Variants in ZNF638 observed in about 807,000 individuals in gnomAD.
ZNF638 encodes the protein zinc finger protein 638.
A neutral mutation model predicts 195.6 loss-of-function variants in ZNF638; 46 were observed. The ratio of observed to expected loss-of-function variants is 0.24; its 90% CI spans 0.19 to 0.30. The LOEUF is 0.30. Ranked by LOEUF, ZNF638 falls within the 10% of genes least tolerant of loss-of-function variation. The pLI is 1.00. For synonymous variants in ZNF638, 845 were observed against 772.0 expected (o/e 1.09, Z -1.57); for missense variants, 2,440 against 2,325.3 (o/e 1.05, Z -1.01).
In ZNF638 at chr2:71,349,539, TAAAG is replaced by T. The variant is rs1573029644; in HGVS notation, c.589_592del (p.Glu197HisfsTer11). 2 of 1,614,044 alleles carry T rather than the reference TAAAG, an allele frequency of 1.2e-6. No individual in the cohort carries two copies. The highest frequency in any genetic ancestry group is 1.7e-5 in the Admixed American group (1 of 60,012). On this transcript the variant is annotated frameshift_variant, in exon 2 of 28. Transcript: ENST00000264447. LOFTEE classifies it high-confidence loss of function. ...CTAATTTACCTTCTCAGAGCAGAAA[TAAAG>T]AAACACTTGGTAGTGAAGCAGTTTC... is the stretch of plus-strand genomic sequence containing the variant.
At chr2:71,393,609 C>T (rs1486879106) in intron 10 of ZNF638, 2 of 718,118 alleles carry the variant, frequency 2.8e-6, no homozygotes, top group Non-Finnish European at 5.2e-6. Context: ...AGAAACCATT[C>T]ACTCCAGATA....
chr2:71,371,577 T>C (rs1375330211), intron 8 of ZNF638, among the ~76,000 whole-genome samples: 2 of 152,202 alleles, frequency 1.3e-5, no homozygotes, highest in Non-Finnish European at 2.9e-5. Context: ...GTAGTTTTGA[T>C]TTGCATTTCT....
At chr2:71,408,363 G>T in intron 20 of ZNF638, 116 bp downstream of exon 20, 1 of 1,237,898 alleles carries the variant, frequency 8.1e-7, no homozygotes, top group African/African-American at 1.5e-5. Context: ...TATAATTTGT[G>T]TTGCAATCAG....
intron 2 of ZNF638, among the ~76,000 whole-genome samples, chr2:71,355,020 G>A (rs1388120162): frequency 6.6e-6 from 1 of 152,038 alleles, no homozygotes; most frequent in South Asian, 2.1e-4. Context: ...CCAGGCTGGA[G>A]TGCAGTGGCG....
intron 10 of ZNF638, among the ~76,000 whole-genome samples, chr2:71,384,957 G>A (rs2079607642): frequency 1.3e-5 from 2 of 152,296 alleles, no homozygotes; most frequent in South Asian, 4.1e-4. Context: ...CCACATGTGA[G>A]TTCCACCAAA....
At chr2:71,390,460 C>T (rs935638352) in intron 10 of ZNF638, among the ~76,000 whole-genome samples, 2 of 152,204 alleles carry the variant, frequency 1.3e-5, no homozygotes, top group Non-Finnish European at 2.9e-5. Flanking sequence ...AATTAATGTG[C>T]TCACCAGGGT....
intron 20 of ZNF638, chr2:71,408,485 G>T: frequency 2.4e-6 from 1 of 424,200 alleles, no homozygotes; most frequent in Non-Finnish European, 4.2e-6. Context: ...TTGACATGTA[G>T]GTATCTACAT....
At chr2:71,377,362 A>G (rs1244652302) in intron 8 of ZNF638, among the ~76,000 whole-genome samples, 3 of 152,196 alleles carry the variant, frequency 2.0e-5, no homozygotes, top group Non-Finnish European at 4.4e-5. Flanking sequence ...ACAATTTTTA[A>G]AACTTCAATT....
intron 1 of ZNF638, among the ~76,000 whole-genome samples, chr2:71,335,212 A>T (rs1013809870): frequency 2.0e-5 from 3 of 151,970 alleles, no homozygotes; most frequent in South Asian, 2.1e-4. Context: ...AATCTTTTTT[A>T]AAAAAATTCA....
At position 71,431,422 on chromosome 2, in the gene ZNF638, C is replaced by T; in HGVS notation, c.5746C>T (p.Pro1916Ser). 1 of 1,612,356 alleles carries T rather than the reference C, an allele frequency of 6.2e-7. No individual in the cohort carries two copies. Among genetic ancestry groups the T allele is most frequent in the Non-Finnish European group, 8.5e-7 (1 of 1,179,220 alleles). Residue 1916 changes from proline to serine, a missense_variant, in exon 26 of 28, where the codon CCT becomes TCT. Coordinates refer to ENST00000264447, the MANE Select transcript of ZNF638 (RefSeq NM_014497.5). ...AGGCAAATCAGTGGCGTCTGATGTCCCTGAGGGTAAAGTTAAAATGACATT... is the reference window on the plus strand; with the variant it reads ...AGGCAAATCAGTGGCGTCTGATGTCTCTGAGGGTAAAGTTAAAATGACATT... ...SSGKSVASDV[P>S]EELDFLVPKA...
intron 1 of ZNF638, chr2:71,334,713 ATC>A: frequency 6.6e-6 from 1 of 152,104 alleles, no homozygotes; most frequent in Non-Finnish European, 1.5e-5. Context: ...AGGTCAGGAG[ATC>A]TAGACCATCC....
chr2:71,362,198 A>AT (rs1336763040), intron 3 of ZNF638, among the ~76,000 whole-genome samples: 1 of 151,406 alleles, frequency 6.6e-6, no homozygotes, highest in East Asian at 1.9e-4. Context: ...ATCTTTTATT[A>AT]TTTTTTTTCT....
At chr2:71,356,174 C>T (rs2079019608) in intron 3 of ZNF638, among the ~76,000 whole-genome samples, 1 of 152,188 alleles carries the variant, frequency 6.6e-6, no homozygotes, top group African/African-American at 2.4e-5. Flanking sequence ...ACCTAAAGCT[C>T]TTCTCTGACT....
chr2:71,365,504 A>G lies in ZNF638; in HGVS notation c.1793A>G (p.Glu598Gly), dbSNP rs1391057970. 21 of 1,614,032 alleles carry G rather than the reference A, an allele frequency of 1.3e-5. No homozygotes were observed. The highest frequency in any genetic ancestry group is 1.8e-5 in the Non-Finnish European group (21 of 1,179,994). Reference sequence around the variant, plus strand: ...GAATTTAATAAACAGAAGCATCTTGAAGCTGCTGATAAGGGACATTCACCA... The same window carrying G: ...GAATTTAATAAACAGAAGCATCTTGGAGCTGCTGATAAGGGACATTCACCA... ...GTEFNKQKHL[E>G]AADKGHSPAQ... is the part of the protein sequence containing the mutation. The change falls in exon 6 of 28, where the codon GAA becomes GGA. Residue 598 changes from glutamate (E) to glycine (G), a missense_variant. This residue lies in a region of ZNF638 where 1,883 missense variants were observed against 1,739.1 expected (regional missense o/e 1.08). Coordinates refer to ENST00000264447, the MANE Select transcript of ZNF638 (RefSeq NM_014497.5).
chr2:71,343,390 TCACCC>T (rs1267767723), intron 1 of ZNF638, among the ~76,000 whole-genome samples: 2 of 152,162 alleles, frequency 1.3e-5, no homozygotes, highest in African/African-American at 4.8e-5. Context: ...ATGTATCTCC[TCACCC>T]CACCCCACAG....
At position 71,431,407 on chromosome 2, in the gene ZNF638, G is replaced by A; in HGVS notation, c.5731G>A (p.Val1911Met). 1 of 1,614,014 alleles carries A rather than the reference G, an allele frequency of 6.2e-7. No homozygotes were observed. Among genetic ancestry groups the A allele is most frequent in the Non-Finnish European group, 8.5e-7 (1 of 1,179,910 alleles). ...TGAAGACTCTTCTTCAGGCAAATCA[G>A]TGGCGTCTGATGTCCCTGAGGGTAA... ...KTEDSSSGKS[V>M]ASDVPEELDF... Residue 1911 changes from valine (V) to methionine (M), a missense_variant, in exon 26 of 28, where the codon GTG (valine) becomes ATG (methionine). Physicochemically the swap from Val to Met is conservative, Grantham distance 21. Around this residue, in one of 5 missense-constraint regions of ZNF638, gnomAD observed 1,883 missense variants for 1,739.1 expected, o/e 1.08. Coordinates refer to ENST00000264447, the MANE Select transcript of ZNF638 (RefSeq NM_014497.5).
Position 71,380,223 on chromosome 2 carries a change from A to G in ZNF638, c.2267A>G (p.Asn756Ser). The G allele has an allele frequency of 6.5e-7, 1 of 1,544,940 alleles. No homozygotes were observed. The highest frequency in any genetic ancestry group is 8.7e-7 in the Non-Finnish European group (1 of 1,150,260). The change falls in exon 9 of 28, where the codon AAC becomes AGC. Residue 756 changes from asparagine to serine, a missense_variant and splice_region_variant. Physicochemically the swap from Asn to Ser is conservative, Grantham distance 46. This residue lies in a region of ZNF638 where 1,883 missense variants were observed against 1,739.1 expected (regional missense o/e 1.08). Transcript: ENST00000264447. ...ICVPGKKKAQ[N>S]KEVKKKTLES... Reference sequence around the variant, plus strand: ...GTTCAAAATATTTTTCCTACGTAGAACAAAGAGGTGAAGAAAAAGACTTTA... The same window carrying G: ...GTTCAAAATATTTTTCCTACGTAGAGCAAAGAGGTGAAGAAAAAGACTTTA...
At chr2:71,335,778 G>T (rs1023707744) in intron 1 of ZNF638, among the ~76,000 whole-genome samples, 1 of 152,158 alleles carries the variant, frequency 6.6e-6, no homozygotes, top group Non-Finnish European at 1.5e-5. Context: ...TAAAACAACA[G>T]TAACTATGAG....
At chr2:71,389,975 A>C (rs2079737363) in intron 10 of ZNF638, among the ~76,000 whole-genome samples, 1 of 152,190 alleles carries the variant, frequency 6.6e-6, no homozygotes, top group Non-Finnish European at 1.5e-5. Flanking sequence ...TGGCCATGGC[A>C]ATAAAGTCTC....
Sources: gnomAD v4.1 joint callset for allele counts (sites outside exome capture counted in the v4.1 genomes callset) on GRCh38, gnomAD v4.1.1 for gene constraint, gnomAD v4.1.1 regional missense constraint, MANE v1.5 for transcripts, NCBI Gene and HGNC (gene_info 2026-07-23, HGNC 2026-07-21) for gene names.